KYAT3: variants seen among roughly 807,000 people sequenced by gnomAD.
The protein encoded by KYAT3 is kynurenine aminotransferase 3, also known as kynurenine--oxoglutarate transaminase 3.
KYAT3 carries 50 observed loss-of-function variants against 59.0 expected under a neutral mutation model. That is an observed-to-expected ratio of 0.85 (90% CI 0.68 to 1.07). The LOEUF (loss-of-function observed/expected upper bound fraction) is 1.07. KYAT3 is among the 50% of genes least tolerant of loss of function. The probability of loss-of-function intolerance (pLI) is 0.00; values close to 1 mark genes in which losing one functional copy is unlikely to be tolerated. For missense variants in KYAT3, 497 were observed against 533.3 expected, an observed-to-expected ratio of 0.93 and a Z score of 0.67; for synonymous variants, 148 against 177.0, an observed-to-expected ratio of 0.84 and a Z score of 1.30.
intron 10 of KYAT3, among the ~76,000 whole-genome samples, chr1:88,951,431 T>C (rs1196579943): frequency 6.6e-6 from 1 of 151,932 alleles, no homozygotes; most frequent in African/African-American, 2.4e-5. Context: ...GACAGGGTTT[T>C]GCCATGTTGG....
chr1:88,933,355 G>A (rs1323373229), downstream of KYAT3, among the ~76,000 whole-genome samples: 1 of 152,064 alleles, frequency 6.6e-6, no homozygotes. Context: ...GATACTTATG[G>A]AAGGAAGGAG....
chr1:88,992,353 G>A (rs1437299909), intron 1 of KYAT3, among the ~76,000 whole-genome samples: 1 of 152,222 alleles, frequency 6.6e-6, no homozygotes, highest in Non-Finnish European at 1.5e-5. Context: ...GAGTAAAAGC[G>A]CCAAGACGGT....
At chr1:88,967,522 G>A (rs994198542) in intron 4 of KYAT3, among the ~76,000 whole-genome samples, 12 of 151,924 alleles carry the variant, frequency 7.9e-5, no homozygotes, top group African/African-American at 2.9e-4. Flanking sequence ...AGCCATCTAG[G>A]TATTGAGGTT....
the KYAT3 span, among the ~76,000 whole-genome samples, chr1:88,924,064 C>T: frequency 6.6e-6 from 1 of 152,340 alleles, no homozygotes; most frequent in East Asian, 1.9e-4. Context: ...CCACCCAGAT[C>T]CCCTAGGGTC....
At chr1:88,957,414 G>A (rs1039878618) in intron 8 of KYAT3, among the ~76,000 whole-genome samples, 2 of 152,092 alleles carry the variant, frequency 1.3e-5, no homozygotes, top group South Asian at 2.1e-4. Context: ...TTCCTTTAAA[G>A]TAAAGGATAC....
Position 88,939,234 on chromosome 1 carries a change from G to T in KYAT3, c.1303-2989C>A, listed in dbSNP as rs186389073. Among the ~76,000 whole-genome samples the T allele has an allele frequency of 6.0e-3, 908 of 152,104 alleles. 8 individuals are homozygous for T. The highest frequency in any genetic ancestry group is 0.021 in the African/African-American group (880 of 41,496). ...CATAATATTATAAAGTGCTATTTTT[G>T]CCTTAAATTTATTTACTTTTATCAC... On this transcript the variant is annotated intron_variant, in intron 13 of 13. Transcript: ENST00000260508.
At chr1:88,966,918 G>C (rs935637974) in intron 4 of KYAT3, among the ~76,000 whole-genome samples, 1 of 151,972 alleles carries the variant, frequency 6.6e-6, no homozygotes, top group Non-Finnish European at 1.5e-5. Context: ...TTTGTCAGAT[G>C]CATTTTCTAT....
chr1:88,970,983 T>TA (rs2101058516), intron 2 of KYAT3, among the ~76,000 whole-genome samples: 1 of 152,296 alleles, frequency 6.6e-6, no homozygotes, highest in African/African-American at 2.4e-5. Context: ...CTCCAGAGGT[T>TA]AAAAAGCTTG....
At chr1:88,978,095 T>C (rs1676880498) in intron 2 of KYAT3, among the ~76,000 whole-genome samples, 1 of 152,056 alleles carries the variant, frequency 6.6e-6, no homozygotes, top group Admixed American at 6.6e-5. Context: ...TGTATATATG[T>C]ATATAATATA....
chr1:88,950,077 G>A (rs1675612035), intron 10 of KYAT3, among the ~76,000 whole-genome samples: 1 of 152,166 alleles, frequency 6.6e-6, no homozygotes, highest in African/African-American at 2.4e-5. Flanking sequence ...TAAGGACACA[G>A]CAAAAGGCAC....
In KYAT3 at chr1:88,990,613, G is replaced by A. The variant is rs574154378; in HGVS notation, c.-2+1972C>T. Among the ~76,000 whole-genome samples, 37 of 152,110 alleles carry A rather than the reference G, an allele frequency of 2.4e-4. 1 individual carries two copies. The highest frequency in any genetic ancestry group is 8.7e-4 in the African/African-American group (36 of 41,482). On this transcript the variant is annotated intron_variant, in intron 1 of 13. Coordinates refer to ENST00000260508, the MANE Select transcript of KYAT3 (RefSeq NM_001008661.3). ...TTATCTCCTGCCTCTCCCACAATCCGCCATTGAATGATGGAATTCCAAGAC... is the reference window on the plus strand; with the variant it reads ...TTATCTCCTGCCTCTCCCACAATCCACCATTGAATGATGGAATTCCAAGAC...
At chr1:88,925,418 A>T in the KYAT3 span, among the ~76,000 whole-genome samples, 2 of 152,138 alleles carry the variant, frequency 1.3e-5, no homozygotes, top group African/African-American at 4.8e-5. Flanking sequence ...CTAGGTACTA[A>T]TGGTTCAGAC....
chr1:88,959,703 AG>A (rs1455713158), intron 8 of KYAT3, among the ~76,000 whole-genome samples: 8 of 151,180 alleles, frequency 5.3e-5, no homozygotes, highest in African/African-American at 1.9e-4. Context: ...AGTACATGCT[AG>A]TTTATGTTTT....
At chr1:88,971,628 C>T (rs758525563) in intron 2 of KYAT3, among the ~76,000 whole-genome samples, 37 of 152,140 alleles carry the variant, frequency 2.4e-4, no homozygotes, top group Admixed American at 7.9e-4. Flanking sequence ...ATCTTGTCTG[C>T]CAAGCACCCA....
In KYAT3 at chr1:88,986,037, C is replaced by T. The variant is rs968976575; in HGVS notation, c.99+2215G>A. Among the ~76,000 whole-genome samples, 7 of 151,842 alleles carry T rather than the reference C, an allele frequency of 4.6e-5. No homozygotes were observed. The East Asian group carries it at 9.7e-4, about 21-fold the overall frequency. On this transcript the variant is annotated intron_variant, in intron 2 of 13. Transcript: ENST00000260508. ...CTCTACAAAAAATACAAATATTGGC[C>T]GGGAGTGGTGGCGGGCACCTATAGT...
rs372818610 is a variant in KYAT3 at position 88,985,997 on chromosome 1, A to G, written c.99+2255T>C. Among the ~76,000 whole-genome samples the G allele has an allele frequency of 1.6e-4, 24 of 152,146 alleles. 1 individual carries two copies. Among genetic ancestry groups the G allele is most frequent in the African/African-American group, 5.5e-4 (23 of 41,516 alleles). On this transcript the variant is annotated intron_variant, in intron 2 of 13. Transcript: ENST00000260508. ...GTAGTTTGAGACCAGCCTGGCCAAC[A>G]TGGCAAAACCCCGTCTCTACAAAAA...
At chr1:88,974,118 G>C (rs529069796) in intron 2 of KYAT3, among the ~76,000 whole-genome samples, 2 of 152,166 alleles carry the variant, frequency 1.3e-5, no homozygotes, top group African/African-American at 2.4e-5. Context: ...ACAGAACCAG[G>C]CTTGGGAAAC....
intron 4 of KYAT3, among the ~76,000 whole-genome samples, chr1:88,966,869 T>C (rs572683919): frequency 9.0e-4 from 137 of 152,282 alleles, no homozygotes; most frequent in African/African-American, 3.1e-3. Context: ...ATTCTATTTC[T>C]AATTGGCTGA....
chr1:88,955,829 A>G (rs535747472), intron 8 of KYAT3, among the ~76,000 whole-genome samples: 7 of 148,480 alleles, frequency 4.7e-5, no homozygotes, highest in East Asian at 1.9e-4. Context: ...ATGTGTGCAC[A>G]TGTGTGTGTG....
Sources: allele counts gnomAD v4.1 joint callset (sites outside exome capture counted in the v4.1 genomes callset), GRCh38; gene constraint gnomAD v4.1.1; transcripts MANE v1.5; gene names NCBI Gene and HGNC (gene_info 2026-07-23, HGNC 2026-07-21).